TMED5: variants seen among roughly 807,000 people sequenced by gnomAD.
TMED5 encodes transmembrane emp24 domain-containing protein 5.
Under a neutral mutation model 23.0 loss-of-function variants are expected in TMED5, and 27 were observed. The observed-to-expected ratio is 1.17, with a 90% CI of 0.86 to 1.62. TMED5 has a LOEUF of 1.62. Ranked by LOEUF, TMED5 falls within the 40% of genes most tolerant of loss-of-function variation. The pLI, the probability that TMED5 is intolerant of heterozygous loss-of-function variation, is 0.00. For synonymous variants in TMED5, 97 were observed against 100.8 expected, an observed-to-expected ratio of 0.96 and a Z score of 0.23; for missense variants, 248 against 273.7, an observed-to-expected ratio of 0.91 and a Z score of 0.66.
rs1412079495 is a variant in TMED5 at position 93,153,560 on chromosome 1, T to C, written c.*1110A>G. ...TAATCATCTCCTTTGATTTATGTTA[T>C]GAGTAGGATGTCATGATGAGCCAGT... On this transcript the variant is annotated 3_prime_UTR_variant, in exon 4 of 4. Coordinates refer to ENST00000370282, the MANE Select transcript of TMED5 (RefSeq NM_016040.5). 2 of 152,164 alleles carry C rather than the reference T, an allele frequency of 1.3e-5. No homozygotes were observed. The highest frequency in any genetic ancestry group is 6.5e-5 in the Admixed American group (1 of 15,286). The allele number at this position is 152,164 out of a possible 1,614,324, so 9.4% of individuals were successfully genotyped here. A position where few individuals can be genotyped will look rare whatever the true frequency, so the allele number is the denominator to read the frequency against.
intron 1 of TMED5, among the ~76,000 whole-genome samples, chr1:93,178,611 C>A (rs1649033577): frequency 1.3e-5 from 2 of 152,154 alleles, no homozygotes; most frequent in Admixed American, 6.5e-5. Context: ...CCTCCATGCA[C>A]AATTCCTGGC....
Position 93,156,381 on chromosome 1 carries a change from T to G in TMED5, c.390A>C (p.Gly130=). The G allele has an allele frequency of 1.2e-6, 2 of 1,613,824 alleles. No homozygotes were observed. Among genetic ancestry groups the G allele is most frequent in the Non-Finnish European group, 8.5e-7 (1 of 1,179,788 alleles). ...AATCTTCTTGTTCTTGTGCCTGTTC[T>G]CCCATATTATCCAGGATTAATTCAA... ...IFFELILDNM[G]EQAQEQEDWK... Residue 130 remains glycine (G), a synonymous_variant, in exon 3 of 4, where the codon GGA becomes GGC. Coordinates refer to ENST00000370282, the MANE Select transcript of TMED5 (RefSeq NM_016040.5).
intron 3 of TMED5, among the ~76,000 whole-genome samples, chr1:93,155,103 G>A (rs1039750268): frequency 2.0e-5 from 3 of 152,084 alleles, no homozygotes; most frequent in African/African-American, 7.2e-5. Flanking sequence ...AGCACCAAGT[G>A]TGGTCCCAGC....
chr1:93,178,080 A>C (rs1328665500), intron 1 of TMED5, among the ~76,000 whole-genome samples: 3 of 152,110 alleles, frequency 2.0e-5, no homozygotes, highest in Admixed American at 1.3e-4. Flanking sequence ...CCTTAAATCC[A>C]TTTTCCACAC....
intron 1 of TMED5, 74 bp downstream of exon 1, chr1:93,179,980 T>A: frequency 6.8e-7 from 1 of 1,466,088 alleles, no homozygotes; most frequent in Non-Finnish European, 9.2e-7. Flanking sequence ...ACCAGAAGTT[T>A]CTAAACGGGT....
At position 93,152,937 on chromosome 1, in the gene TMED5, T is replaced by G. The variant is rs189213374; in HGVS notation, c.*1733A>C. 1 of 152,496 alleles carries G rather than the reference T, an allele frequency of 6.6e-6. No individual in the cohort carries two copies. Among genetic ancestry groups the G allele is most frequent in the Admixed American group, 6.6e-5 (1 of 15,262 alleles). The allele number at this position is 152,496 out of a possible 1,614,324, so 9.4% of individuals were successfully genotyped here. A position where few individuals can be genotyped will look rare whatever the true frequency, so the allele number is the denominator to read the frequency against. On this transcript the variant is annotated 3_prime_UTR_variant, in exon 4 of 4. Transcript: ENST00000370282. ...TCATATACGGCATTTACCTCATTTT[T>G]AAAAACCTTGCCAGTAGGGAAATCT...
In TMED5 at chr1:93,180,112, T is replaced by C; in HGVS notation, c.131A>G (p.Gln44Arg). ...CATGGGCTGGTAGAAGCACTCCTTC[T>C]GGCCGGCGGGAAGGGTAAAGGTGAA... is the stretch of plus-strand genomic sequence containing the variant. The part of the protein sequence containing the change: ...SDFTFTLPAG[Q>R]KECFYQPMPL... The change falls in exon 1 of 4, where the codon CAG becomes CGG. Residue 44 changes from glutamine (Q) to arginine (R), a missense_variant. Gln to Arg is a conservative substitution (Grantham distance 43). Transcript: ENST00000370282. 1.2e-6 allele frequency: 2 copies of C among 1,613,816 alleles called. No individual in the cohort carries two copies. Among genetic ancestry groups the C allele is most frequent in the Non-Finnish European group, 1.7e-6 (2 of 1,179,828 alleles).
Position 93,151,314 on chromosome 1 carries a change from AAAT to A in TMED5, c.*3353_*3355del, listed in dbSNP as rs1050942467. 4 of 152,210 alleles carry A rather than the reference AAAT, an allele frequency of 2.6e-5. No individual in the cohort carries two copies. Among genetic ancestry groups the A allele is most frequent in the African/African-American group, 9.6e-5 (4 of 41,456 alleles). 9.4% of individuals were successfully genotyped at this position (152,210 alleles called of 1,614,324 possible). On this transcript the variant is annotated 3_prime_UTR_variant, in exon 4 of 4. Transcript: ENST00000370282. ...TCTGGATGGTTTGAGGGAAATGACC[AAAT>A]AATAACCTACCTACACCAAGCATTG...
intron 1 of TMED5, among the ~76,000 whole-genome samples, chr1:93,168,859 G>C (rs2101151584): frequency 6.6e-6 from 1 of 152,128 alleles, no homozygotes; most frequent in East Asian, 1.9e-4. Flanking sequence ...GGGGCGGGCG[G>C]GCATTACCTA....
intron 1 of TMED5, chr1:93,160,701 G>A: frequency 6.6e-6 from 1 of 152,418 alleles, no homozygotes; most frequent in Non-Finnish European, 1.5e-5. Context: ...ACTAAAAATA[G>A]AAAAATCCCA....
At position 93,152,609 on chromosome 1, in the gene TMED5, T is replaced by TA. The variant is rs1376401951; in HGVS notation, c.*2060dup. 1.3e-5 allele frequency: 2 copies of TA among 152,644 alleles called. No individual in the cohort carries two copies. Among genetic ancestry groups the TA allele is most frequent in the Non-Finnish European group, 2.9e-5 (2 of 68,020 alleles). The allele number at this position is 152,644 out of a possible 1,614,324, so 9.5% of individuals were successfully genotyped here. ...GGTTTAAGATCAGTGGCACAAATCA[T>TA]ACATGTAGAAGATTATGTAACAAAT... On this transcript the variant is annotated 3_prime_UTR_variant, in exon 4 of 4. Transcript: ENST00000370282.
At position 93,180,142 on chromosome 1, in the gene TMED5, C is replaced by T. The variant is rs1262480205; in HGVS notation, c.101G>A (p.Ser34Asn). The T allele has an allele frequency of 1.2e-6, 2 of 1,613,584 alleles. No individual in the cohort carries two copies. Among genetic ancestry groups the T allele is most frequent in the African/African-American group, 1.3e-5 (1 of 74,894 alleles). ...GAAGFTPSLD[S>N]DFTFTLPAGQ... is the part of the protein sequence containing the mutation. ...GGCGGGAAGGGTAAAGGTGAAGTCG[C>T]TATCGAGGGAAGGTGTGAAGCCGGC... The change falls in exon 1 of 4, where the codon AGC (serine) becomes AAC (asparagine). Residue 34 changes from serine (S) to asparagine (N), a missense_variant. Ser to Asn is a conservative substitution (Grantham distance 46, BLOSUM62 1). Transcript: ENST00000370282.
intron 1 of TMED5, chr1:93,162,045 T>C (rs1261870770): frequency 6.6e-6 from 1 of 152,124 alleles, no homozygotes; most frequent in Non-Finnish European, 1.5e-5. Flanking sequence ...TTTATAGTGT[T>C]TGCTAAAATT....
chr1:93,176,825 C>T (rs979965163), intron 1 of TMED5, among the ~76,000 whole-genome samples: 6 of 152,190 alleles, frequency 3.9e-5, no homozygotes, highest in African/African-American at 1.4e-4. Context: ...GCCACTGCAC[C>T]TAGCTGATAT....
intron 1 of TMED5, among the ~76,000 whole-genome samples, chr1:93,165,528 G>A (rs887874437): frequency 6.6e-6 from 1 of 152,124 alleles, no homozygotes; most frequent in African/African-American, 2.4e-5. Context: ...AGTTGTAAGT[G>A]TATATTGCAA....
chr1:93,178,825 G>A (rs1420014056), intron 1 of TMED5, among the ~76,000 whole-genome samples: 2 of 152,204 alleles, frequency 1.3e-5, no homozygotes, highest in East Asian at 3.9e-4. Context: ...GTATGTGACA[G>A]TACCTGGTAT....
intron 1 of TMED5, among the ~76,000 whole-genome samples, chr1:93,171,152 G>A (rs548791347): frequency 3.3e-4 from 50 of 152,090 alleles, no homozygotes; most frequent in Non-Finnish European, 4.0e-4. Flanking sequence ...TGAAGCCAGC[G>A]AGACCACAAA....
chr1:93,154,565 T>C lies in TMED5; in HGVS notation c.*105A>G. On this transcript the variant is annotated 3_prime_UTR_variant, in exon 4 of 4. Coordinates refer to ENST00000370282, the MANE Select transcript of TMED5 (RefSeq NM_016040.5). ...TAAAATTATACCTGTTTCCTACTTT[T>C]ATATCTCAAAATATTTTGGAGAAGA... 1.3e-6 allele frequency: 1 copy of C among 746,636 alleles called. No individual in the cohort carries two copies. The allele number at this position is 746,636 out of a possible 1,614,324, so 46.3% of individuals were successfully genotyped here. A position where few individuals can be genotyped will look rare whatever the true frequency, so the allele number is the denominator to read the frequency against.
chr1:93,170,356 T>C (rs1370338695), intron 1 of TMED5, among the ~76,000 whole-genome samples: 2 of 152,188 alleles, frequency 1.3e-5, no homozygotes, highest in African/African-American at 4.8e-5. Flanking sequence ...GGCCCCGCAC[T>C]GGGAGCGGCC....
Sources: gnomAD v4.1 joint callset for allele counts (sites outside exome capture counted in the v4.1 genomes callset) on GRCh38, gnomAD v4.1.1 for gene constraint, MANE v1.5 for transcripts, NCBI Gene and HGNC (gene_info 2026-07-23, HGNC 2026-07-21) for gene names.